PDE1A: variants seen among roughly 807,000 people sequenced by gnomAD.
PDE1A encodes the protein dual specificity calcium/calmodulin-dependent 3',5'-cyclic nucleotide phosphodiesterase 1A.
In PDE1A, 35 loss-of-function variants were observed where a neutral mutation model predicts 61.7. The observed-to-expected ratio is 0.57, with a 90% CI of 0.43 to 0.75. The LOEUF is 0.75. Ranked by LOEUF, PDE1A falls within the 30% of genes least tolerant of loss-of-function variation. PDE1A has a pLI of 0.00. For synonymous variants in PDE1A, 232 were observed against 213.2 expected, an observed-to-expected ratio of 1.09 and a Z score of -0.77; for missense variants, 597 against 630.6, an observed-to-expected ratio of 0.95 and a Z score of 0.57.
intron 1 of PDE1A, among the ~76,000 whole-genome samples, chr2:182,335,788 G>A (rs889526913): frequency 6.6e-5 from 10 of 152,102 alleles, no homozygotes; most frequent in African/African-American, 2.4e-4. Context: ...AAATTAAAGA[G>A]CTGCTGCATA....
At chr2:182,264,280 G>C in intron 2 of PDE1A, 21 bp downstream of exon 2, 2 of 1,483,202 alleles carry the variant, frequency 1.3e-6, no homozygotes, top group Non-Finnish European at 1.9e-6. Flanking sequence ...GAAGATAAAA[G>C]AGAAGAAGGT....
rs114068820 is a variant in PDE1A, at chr2:182,383,195, C to T, written c.53+43383G>A. The stretch of plus-strand genomic sequence containing the variant: ...TGCTCTCTTTTCTTCTCTTTCTATC[C>T]AATTTCCACCCATACTTCAAGACAT... On this transcript the variant is annotated intron_variant, in intron 1 of 13. Coordinates refer to ENST00000351439, the Ensembl canonical transcript of PDE1A. 2.7e-3 allele frequency among the ~76,000 whole-genome samples: 417 copies of T among 152,254 alleles called. 2 individuals are homozygous for T. Among genetic ancestry groups the T allele is most frequent in the African/African-American group, 9.4e-3 (391 of 41,546 alleles).
chr2:182,231,269 C>G (rs1689556177), intron 4 of PDE1A, 138 bp from the exon 5 acceptor site: 2 of 639,216 alleles, frequency 3.1e-6, no homozygotes, highest in Non-Finnish European at 5.6e-6. Flanking sequence ...ACCAGAGTTT[C>G]ATAGGACAGG....
At chr2:182,293,263 A>C (rs1037144295) in intron 1 of PDE1A, among the ~76,000 whole-genome samples, 2 of 152,162 alleles carry the variant, frequency 1.3e-5, no homozygotes, top group Non-Finnish European at 2.9e-5. Context: ...AAAGGATGGA[A>C]TTTCCAGACA....
At chr2:182,210,354 A>G (rs1687479814) in intron 7 of PDE1A, among the ~76,000 whole-genome samples, 2 of 152,156 alleles carry the variant, frequency 1.3e-5, no homozygotes, top group African/African-American at 2.4e-5. Flanking sequence ...TGTATTGCCT[A>G]TTGATCTATT....
chr2:182,333,788 G>A (rs1484105693), intron 1 of PDE1A, among the ~76,000 whole-genome samples: 1 of 152,078 alleles, frequency 6.6e-6, no homozygotes, highest in Non-Finnish European at 1.5e-5. Flanking sequence ...AATGAATCCA[G>A]GAGCTGGTCT....
At chr2:182,247,540 A>G (rs1317638357) in intron 2 of PDE1A, among the ~76,000 whole-genome samples, 1 of 152,164 alleles carries the variant, frequency 6.6e-6, no homozygotes, top group Non-Finnish European at 1.5e-5. Context: ...CTTCTTACTT[A>G]TTCATTTTCC....
chr2:182,567,043 A>T, the PDE1A span, among the ~76,000 whole-genome samples: 736 of 152,352 alleles, frequency 4.8e-3, 4 homozygotes, highest in Non-Finnish European at 7.7e-3. Flanking sequence ...TAGCTTGATT[A>T]GTTACTTTAT....
the PDE1A span, among the ~76,000 whole-genome samples, chr2:182,713,196 C>T: frequency 1.3e-5 from 2 of 151,940 alleles, no homozygotes; most frequent in African/African-American, 4.8e-5. Flanking sequence ...AATCTTTGCC[C>T]CTAGAGTAGC....
At chr2:182,578,155 A>G in the PDE1A span, among the ~76,000 whole-genome samples, 1 of 152,246 alleles carries the variant, frequency 6.6e-6, no homozygotes, top group East Asian at 1.9e-4. Flanking sequence ...AGCCTAAATC[A>G]TGGAACCTCT....
At chr2:182,186,437 G>T in intron 12 of PDE1A, 31 bp downstream of exon 12, 1 of 1,604,510 alleles carries the variant, frequency 6.2e-7, no homozygotes, top group South Asian at 1.1e-5. Context: ...CCACAAAGAT[G>T]AAAAATAATG....
At chr2:182,421,956 T>C (rs1266459096) in intron 1 of PDE1A, among the ~76,000 whole-genome samples, 1 of 152,158 alleles carries the variant, frequency 6.6e-6, no homozygotes, top group Non-Finnish European at 1.5e-5. Flanking sequence ...ATGAAGAAAA[T>C]ATGCCTGCCA....
At chr2:182,582,310 T>C in the PDE1A span, among the ~76,000 whole-genome samples, 1 of 152,202 alleles carries the variant, frequency 6.6e-6, no homozygotes, top group Non-Finnish European at 1.5e-5. Context: ...AATTGATCAA[T>C]GTAATTTAGC....
At chr2:182,183,900 G>A (rs1027473576) in intron 13 of PDE1A, among the ~76,000 whole-genome samples, 7 of 151,512 alleles carry the variant, frequency 4.6e-5, no homozygotes, top group African/African-American at 1.5e-4. Context: ...GCAGGATTGA[G>A]GTGGCAGAGA....
At chr2:182,140,217 G>A (rs1163452711) in exon 15 of PDE1A, 1 of 152,122 alleles carries the variant, frequency 6.6e-6, no homozygotes, top group East Asian at 1.9e-4. Context: ...TACAGTCTGT[G>A]TAGATTATCT....
downstream of PDE1A, among the ~76,000 whole-genome samples, chr2:182,146,047 G>T (rs1395810380): frequency 6.6e-6 from 1 of 152,070 alleles, no homozygotes; most frequent in Non-Finnish European, 1.5e-5. Flanking sequence ...CTTGGATTTT[G>T]TTCTTTACTT....
the PDE1A span, among the ~76,000 whole-genome samples, chr2:182,678,402 G>T: frequency 1.3e-5 from 2 of 152,166 alleles, no homozygotes; most frequent in South Asian, 4.1e-4. Flanking sequence ...CAGCCTGGGG[G>T]ACAAGAGCAA....
chr2:182,576,030 T>C, the PDE1A span, among the ~76,000 whole-genome samples: 1 of 150,686 alleles, frequency 6.6e-6, no homozygotes, highest in African/African-American at 2.4e-5. Context: ...ATATACATTA[T>C]CTGATTTGCT....
In PDE1A at chr2:182,288,551, T is replaced by C. The variant is rs144004584; in HGVS notation, c.54-24137A>G. Among the ~76,000 whole-genome samples the C allele has an allele frequency of 5.3e-3, 806 of 152,222 alleles. 6 individuals carry two copies. Among genetic ancestry groups the C allele is most frequent in the Non-Finnish European group, 7.9e-3 (534 of 67,998 alleles). On this transcript the variant is annotated intron_variant, in intron 1 of 13. Coordinates refer to ENST00000351439, the Ensembl canonical transcript of PDE1A. ...TCTGGCAAATCTACCCAGAATTACC[T>C]TCATGGCCAGCAATTCAATACTTGC...
Sources: gnomAD v4.1 joint callset for allele counts (sites outside exome capture counted in the v4.1 genomes callset) on GRCh38, gnomAD v4.1.1 for gene constraint, MANE v1.5 for transcripts, NCBI Gene and HGNC (gene_info 2026-07-23, HGNC 2026-07-21) for gene names.